TNFRSF8: variants seen among roughly 807,000 people sequenced by gnomAD.
The protein encoded by TNFRSF8 is tumor necrosis factor receptor superfamily member 8.
In TNFRSF8, 26 loss-of-function variants were observed where a neutral mutation model predicts 70.8. The observed-to-expected ratio is 0.37, with a 90% CI of 0.27 to 0.51. The LOEUF (loss-of-function observed/expected upper bound fraction) is 0.51, where lower values mean the gene tolerates loss of function less well. Among genes scored for constraint, TNFRSF8 ranks in the 20% least tolerant of loss-of-function variants. The probability of loss-of-function intolerance (pLI) is 0.94; values close to 1 mark genes in which losing one functional copy is unlikely to be tolerated. For synonymous variants in TNFRSF8, 356 were observed against 339.2 expected, an observed-to-expected ratio of 1.05 and a Z score of -0.54; for missense variants, 720 against 807.9, an observed-to-expected ratio of 0.89 and a Z score of 1.32.
intron 2 of TNFRSF8, among the ~76,000 whole-genome samples, chr1:12,091,364 T>G (rs1400722627): frequency 6.6e-6 from 1 of 152,124 alleles, no homozygotes; most frequent in Non-Finnish European, 1.5e-5. Context: ...TTAATCCCTC[T>G]GGGGGCCTCT....
chr1:12,124,749 G>C (rs1641899775), intron 10 of TNFRSF8, among the ~76,000 whole-genome samples: 1 of 152,130 alleles, frequency 6.6e-6, no homozygotes. Context: ...TTGAACCCGG[G>C]AGGCGGAGGT....
chr1:12,104,228 T>G, intron 3 of TNFRSF8, 151 bp from the exon 4 acceptor site: 1 of 732,884 alleles, frequency 1.4e-6, no homozygotes, highest in Non-Finnish European at 2.2e-6. Context: ...AATTTAATTT[T>G]TAATCCAATT....
chr1:12,092,906 A>G (rs1300336911), intron 2 of TNFRSF8, among the ~76,000 whole-genome samples: 1 of 151,688 alleles, frequency 6.6e-6, no homozygotes, highest in African/African-American at 2.4e-5. Context: ...CCCAGGTTCA[A>G]GTGATTTTCC....
rs34040378 is a variant in TNFRSF8, at chr1:12,133,738, C to CA, written c.1310-1826dup. Among the ~76,000 whole-genome samples the CA allele has an allele frequency of 4.5e-3, 404 of 90,778 alleles. 1 individual carries two copies. Among genetic ancestry groups the CA allele is most frequent in the African/African-American group, 0.011 (254 of 22,174 alleles). 59.6% of individuals were successfully genotyped at this position (90,778 alleles called of 152,430 possible). On this transcript the variant is annotated intron_variant, in intron 12 of 14. Coordinates refer to ENST00000263932, the MANE Select transcript of TNFRSF8 (RefSeq NM_001243.5). ...CTGGCGACAGAGTTAGACTCCATCT[C>CA]AAAAAAAAAAAAAAAAAAAAAAAAT...
At chr1:12,129,536 T>G (rs1642007383) in intron 12 of TNFRSF8, among the ~76,000 whole-genome samples, 1 of 152,228 alleles carries the variant, frequency 6.6e-6, no homozygotes, top group Non-Finnish European at 1.5e-5. Context: ...TTCTCGAGTC[T>G]CCTTCTGTCC....
At chr1:12,125,296 G>A (rs1443334399) in intron 10 of TNFRSF8, among the ~76,000 whole-genome samples, 3 of 152,224 alleles carry the variant, frequency 2.0e-5, no homozygotes, top group East Asian at 1.9e-4. Flanking sequence ...GGTTAAGAGC[G>A]TGGCCCTGCA....
intron 12 of TNFRSF8, among the ~76,000 whole-genome samples, chr1:12,134,506 C>A (rs1194403031): frequency 6.6e-6 from 1 of 151,994 alleles, no homozygotes; most frequent in Non-Finnish European, 1.5e-5. Context: ...TATGGGAGAA[C>A]AATGGGAGTG....
In TNFRSF8 at chr1:12,110,121, C is replaced by G; in HGVS notation, c.593C>G (p.Thr198Ser). 1 of 1,613,650 alleles carries G rather than the reference C, an allele frequency of 6.2e-7. No individual in the cohort carries two copies. Among genetic ancestry groups the G allele is most frequent in the Non-Finnish European group, 8.5e-7 (1 of 1,179,812 alleles). Reference sequence around the variant, plus strand: ...AGCACCATGCCTGTAAGAGGGGGCACCCGCCTCGCCCAGGAAGCTGCTTCT... The same window carrying G: ...AGCACCATGCCTGTAAGAGGGGGCAGCCGCCTCGCCCAGGAAGCTGCTTCT... ...SASTMPVRGG[T>S]RLAQEAASKL... Residue 198 changes from threonine (T) to serine (S), a missense_variant, in exon 6 of 15, where the codon ACC (threonine) becomes AGC (serine). Coordinates refer to ENST00000263932, the MANE Select transcript of TNFRSF8 (RefSeq NM_001243.5). The surrounding 1 kb of genome is among the most constrained non-coding windows in gnomAD (Gnocchi z 4.0).
At position 12,107,804 on chromosome 1, in the gene TNFRSF8, C is replaced by G. The variant is rs149229167; in HGVS notation, c.422-1762C>G. On this transcript the variant is annotated intron_variant, in intron 4 of 14. Coordinates refer to ENST00000263932, the MANE Select transcript of TNFRSF8 (RefSeq NM_001243.5). ...GTAAAATAGAAAGCAGTTTCTGCCTCCAGTCAGCCAAGCCCCACGCTAAGA... is the reference window on the plus strand; with the variant it reads ...GTAAAATAGAAAGCAGTTTCTGCCTGCAGTCAGCCAAGCCCCACGCTAAGA... Among the ~76,000 whole-genome samples, 22 of 152,284 alleles carry G rather than the reference C, an allele frequency of 1.4e-4. No individual in the cohort carries two copies. In the East Asian group the frequency reaches 4.1e-3, roughly 28 times the overall value.
chr1:12,084,615 G>A, intron 2 of TNFRSF8, 64 bp downstream of exon 2: 5 of 1,452,718 alleles, frequency 3.4e-6, no homozygotes, highest in Non-Finnish European at 4.8e-6. Flanking sequence ...TGACCCTCTT[G>A]GGGGATTGAT....
chr1:12,129,889 C>T (rs1195214363), intron 12 of TNFRSF8, among the ~76,000 whole-genome samples: 1 of 151,936 alleles, frequency 6.6e-6, no homozygotes, highest in African/African-American at 2.4e-5. Flanking sequence ...CTTCAGCAGA[C>T]CTTCATTTTC....
intron 3 of TNFRSF8, among the ~76,000 whole-genome samples, chr1:12,100,969 A>AG (rs941240069): frequency 1.3e-5 from 2 of 151,954 alleles, no homozygotes; most frequent in African/African-American, 2.4e-5. Context: ...AAAAAAAAAA[A>AG]AAAGAATCCT....
chr1:12,126,190 C>T lies in TNFRSF8; in HGVS notation c.1263C>T (p.His421=), dbSNP rs773379824. ...CTCCTGGTGTCGTTTCAGAGCTCCA[C>T]CTGTGCTACCCGGTCCAGACCTCCC... The part of the protein sequence containing the change: ...ACRKRIRQKL[H]LCYPVQTSQP... The change falls in exon 12 of 15, where the codon CAC becomes CAT. Residue 421 remains histidine (H), a synonymous_variant. Coordinates refer to ENST00000263932, the MANE Select transcript of TNFRSF8 (RefSeq NM_001243.5). The T allele has an allele frequency of 1.2e-6, 2 of 1,614,180 alleles. No homozygotes were observed. The highest frequency in any genetic ancestry group is 2.2e-5 in the South Asian group (2 of 91,080).
intron 2 of TNFRSF8, among the ~76,000 whole-genome samples, chr1:12,090,315 C>T (rs1028521456): frequency 6.6e-6 from 1 of 150,652 alleles, no homozygotes; most frequent in Non-Finnish European, 1.5e-5. Flanking sequence ...CACCCATCCA[C>T]CTTTCCCCAT....
chr1:12,132,874 T>C (rs913875445), intron 12 of TNFRSF8, among the ~76,000 whole-genome samples: 1 of 150,954 alleles, frequency 6.6e-6, no homozygotes, highest in Non-Finnish European at 1.5e-5. Context: ...CAACCTGATT[T>C]ACCACTGGGC....
chr1:12,132,250 G>T (rs1355979016), intron 12 of TNFRSF8, among the ~76,000 whole-genome samples: 1 of 152,202 alleles, frequency 6.6e-6, no homozygotes, highest in South Asian at 2.1e-4. Flanking sequence ...GATTACAAAC[G>T]AAAGCCCACA....
intron 12 of TNFRSF8, among the ~76,000 whole-genome samples, chr1:12,131,445 G>A (rs80170139): frequency 0.043 from 6,533 of 152,218 alleles, 399 homozygotes; most frequent in East Asian, 0.26. Context: ...GCGAGCCTCC[G>A]TCTCAAAACA....
chr1:12,103,792 C>T (rs911818780), intron 3 of TNFRSF8, among the ~76,000 whole-genome samples: 3 of 152,218 alleles, frequency 2.0e-5, no homozygotes, highest in African/African-American at 7.2e-5. Context: ...TGCACCCAGC[C>T]TCCCCTGTCA....
chr1:12,126,003 C>A lies in TNFRSF8; in HGVS notation c.1206C>A (p.Ser402Arg). The A allele has an allele frequency of 6.2e-7, 1 of 1,613,812 alleles. No homozygotes were observed. The highest frequency in any genetic ancestry group is 8.5e-7 in the Non-Finnish European group (1 of 1,179,922). Residue 402 changes from serine to arginine, a missense_variant, in exon 11 of 15, where the codon AGC becomes AGA. Transcript: ENST00000263932. Reference sequence around the variant, plus strand: ...TGTTGGTTGTGGTGGTCGGCTCCAGCGCCTTCCTCCTGTGCCACCGGAGGG... The same window carrying A: ...TGTTGGTTGTGGTGGTCGGCTCCAGAGCCTTCCTCCTGTGCCACCGGAGGG... ...ILVLVVVVGS[S>R]AFLLCHRRAC...
Sources: allele counts gnomAD v4.1 joint callset (sites outside exome capture counted in the v4.1 genomes callset), GRCh38; gene constraint gnomAD v4.1.1; non-coding constraint Gnocchi (gnomAD v3.1); transcripts MANE v1.5; gene names NCBI Gene and HGNC (gene_info 2026-07-23, HGNC 2026-07-21).